PTPRT: variants seen among roughly 807,000 people sequenced by gnomAD.
PTPRT encodes the protein receptor-type tyrosine-protein phosphatase T.
Under a neutral mutation model 176.8 loss-of-function variants are expected in PTPRT, and 56 were observed. The observed-to-expected ratio is 0.32, with a 90% confidence interval of 0.26 to 0.40. The LOEUF (loss-of-function observed/expected upper bound fraction) is 0.40. Among genes scored for constraint, PTPRT ranks in the 10% least tolerant of loss-of-function variants. The pLI, the probability that PTPRT is intolerant of heterozygous loss-of-function variation, is 1.00. For missense variants in PTPRT, 1,540 were observed against 1,908.2 expected, an observed-to-expected ratio of 0.81 and a Z score of 3.60; for synonymous variants, 783 against 739.0, an observed-to-expected ratio of 1.06 and a Z score of -0.96.
intron 2 of PTPRT, among the ~76,000 whole-genome samples, chr20:42,831,815 A>T (rs2078094028): frequency 6.6e-6 from 1 of 152,218 alleles, no homozygotes; most frequent in South Asian, 2.1e-4. Flanking sequence ...TGCAAATAAA[A>T]ACCACAATGA....
At chr20:42,090,136 C>T (rs1363428621) in intron 27 of PTPRT, among the ~76,000 whole-genome samples, 1 of 152,008 alleles carries the variant, frequency 6.6e-6, no homozygotes, top group Non-Finnish European at 1.5e-5. Flanking sequence ...TTAATGTCTA[C>T]TTAGCATAGG....
chr20:42,608,367 C>T (rs1003662321), intron 7 of PTPRT, among the ~76,000 whole-genome samples: 2 of 152,162 alleles, frequency 1.3e-5, no homozygotes, highest in Non-Finnish European at 2.9e-5. Context: ...GATGTAAATA[C>T]CCGTGCTGTC....
chr20:42,049,887 C>T, the PTPRT span, among the ~76,000 whole-genome samples: 1 of 152,212 alleles, frequency 6.6e-6, no homozygotes, highest in Non-Finnish European at 1.5e-5. Context: ...TGAGGGGAGG[C>T]AAGAGCAGAG....
At chr20:42,539,128 C>T (rs1277742844) in intron 7 of PTPRT, among the ~76,000 whole-genome samples, 1 of 152,088 alleles carries the variant, frequency 6.6e-6, no homozygotes, top group Non-Finnish European at 1.5e-5. Context: ...ATCTTCAGAG[C>T]CTAAGTACAG....
intron 7 of PTPRT, among the ~76,000 whole-genome samples, chr20:42,596,089 G>A (rs2073666347): frequency 6.6e-6 from 1 of 152,168 alleles, no homozygotes; most frequent in African/African-American, 2.4e-5. Context: ...AGGCAGGGCT[G>A]TGATCACAAG....
intron 6 of PTPRT, among the ~76,000 whole-genome samples, chr20:42,708,917 G>A (rs2146192519): frequency 6.6e-6 from 1 of 152,276 alleles, no homozygotes; most frequent in East Asian, 1.9e-4. Flanking sequence ...CACTGTTAAA[G>A]GTCAAGCCAG....
intron 13 of PTPRT, among the ~76,000 whole-genome samples, chr20:42,280,834 T>C (rs995320107): frequency 2.6e-5 from 4 of 152,150 alleles, no homozygotes; most frequent in Non-Finnish European, 4.4e-5. Flanking sequence ...TGTCCCCATA[T>C]GTTCCTATTG....
chr20:42,613,628 C>G (rs1291238406), intron 7 of PTPRT, among the ~76,000 whole-genome samples: 1 of 152,158 alleles, frequency 6.6e-6, no homozygotes, highest in East Asian at 1.9e-4. Context: ...TAGCACAGAC[C>G]TGGAGGCTAA....
intron 1 of PTPRT, among the ~76,000 whole-genome samples, chr20:42,993,534 ATG>A (rs1379375807): frequency 7.3e-6 from 1 of 136,888 alleles, no homozygotes; most frequent in Non-Finnish European, 1.6e-5. Context: ...ATACACATAT[ATG>A]TGTGTGTATA....
intron 17 of PTPRT, among the ~76,000 whole-genome samples, chr20:42,153,601 T>A (rs1190193884): frequency 6.6e-6 from 1 of 152,164 alleles, no homozygotes; most frequent in Non-Finnish European, 1.5e-5. Context: ...CTGAGTCTCT[T>A]CCCTTTTCCC....
intron 6 of PTPRT, among the ~76,000 whole-genome samples, chr20:42,754,461 T>C (rs578041590): frequency 6.6e-6 from 1 of 152,174 alleles, no homozygotes; most frequent in East Asian, 1.9e-4. Flanking sequence ...GTATTTTTAG[T>C]AGAGACGGGG....
intron 27 of PTPRT, among the ~76,000 whole-genome samples, chr20:42,087,672 G>T (rs1017874993): frequency 6.6e-6 from 1 of 150,686 alleles, no homozygotes; most frequent in Non-Finnish European, 1.5e-5. Flanking sequence ...TCAGGAGTTC[G>T]AGACCAGCTT....
intron 7 of PTPRT, among the ~76,000 whole-genome samples, chr20:42,538,328 C>T (rs970119434): frequency 1.3e-5 from 2 of 152,078 alleles, no homozygotes; most frequent in African/African-American, 4.8e-5. Context: ...TCCGAACATA[C>T]TAATAGAGTA....
intron 15 of PTPRT, among the ~76,000 whole-genome samples, chr20:42,230,355 G>A (rs1306325300): frequency 6.6e-6 from 1 of 152,140 alleles, no homozygotes; most frequent in Non-Finnish European, 1.5e-5. Context: ...ACACCTTCGC[G>A]CTTTCTCAAG....
intron 6 of PTPRT, among the ~76,000 whole-genome samples, chr20:42,702,906 A>G (rs2075995888): frequency 6.6e-6 from 1 of 152,144 alleles, no homozygotes; most frequent in Admixed American, 6.5e-5. Context: ...TCAATTCACA[A>G]TTCTTCTGGT....
At chr20:42,512,599 G>A (rs1422338117) in intron 7 of PTPRT, among the ~76,000 whole-genome samples, 1 of 151,976 alleles carries the variant, frequency 6.6e-6, no homozygotes, top group African/African-American at 2.4e-5. Context: ...TATTTATTTT[G>A]GTGTGAACAT....
intron 18 of PTPRT, 44 bp downstream of exon 18, chr20:42,141,871 A>C (rs1047972809): frequency 6.5e-7 from 1 of 1,528,522 alleles, no homozygotes; most frequent in African/African-American, 1.4e-5. Context: ...TTTCCCCTGC[A>C]TCCTCAACAC....
chr20:42,805,095 C>T (rs182798529), intron 2 of PTPRT, among the ~76,000 whole-genome samples: 1 of 152,132 alleles, frequency 6.6e-6, no homozygotes, highest in African/African-American at 2.4e-5. Flanking sequence ...GTAGAGATGA[C>T]GGAATATCAT....
intron 2 of PTPRT, among the ~76,000 whole-genome samples, chr20:42,854,847 C>G (rs977782356): frequency 6.6e-6 from 1 of 152,174 alleles, no homozygotes; most frequent in Non-Finnish European, 1.5e-5. Context: ...ATCAGTTATA[C>G]CAGCACCACC....
Sources: allele counts gnomAD v4.1 joint callset (sites outside exome capture counted in the v4.1 genomes callset), GRCh38; gene constraint gnomAD v4.1.1; transcripts MANE v1.5; gene names NCBI Gene and HGNC (gene_info 2026-07-23, HGNC 2026-07-21).